QSOX2: variants seen among roughly 807,000 people sequenced by gnomAD.
QSOX2 encodes the protein quiescin sulfhydryl oxidase 2.
Under a neutral mutation model 61.7 loss-of-function variants are expected in QSOX2, and 46 were observed. That is an observed-to-expected ratio of 0.75 (90% confidence interval 0.59 to 0.95). The LOEUF is 0.95. Ranked by LOEUF, QSOX2 falls within the 40% of genes least tolerant of loss-of-function variation. QSOX2 has a pLI of 0.00. For missense variants in QSOX2, 879 were observed against 918.9 expected (o/e 0.96, Z 0.56); for synonymous variants, 383 against 388.4 (o/e 0.99, Z 0.16).
intron 1 of QSOX2, among the ~76,000 whole-genome samples, chr9:136,244,789 C>T (rs1447019271): frequency 1.3e-5 from 2 of 152,184 alleles, no homozygotes; most frequent in Non-Finnish European, 2.9e-5. Flanking sequence ...AAAGATTTCT[C>T]AAAGGCTGTG....
intron 1 of QSOX2, among the ~76,000 whole-genome samples, chr9:136,238,391 C>G (rs1830407693): frequency 6.6e-6 from 1 of 151,864 alleles, no homozygotes; most frequent in Non-Finnish European, 1.5e-5. Context: ...GTAACTTTTG[C>G]CCAAACACTG....
chr9:136,215,285 G>T lies in QSOX2; in HGVS notation c.1229C>A (p.Thr410Asn), dbSNP rs375455213. The change falls in exon 10 of 12, where the codon ACT (threonine) becomes AAT (asparagine). Residue 410 changes from threonine to asparagine, a missense_variant. Physicochemically the swap from Thr to Asn is moderately conservative, Grantham distance 65. Transcript: ENST00000358701. ...NKMRISGIFL[T>N]NHIKWVGCQG... ...ACATCCAACCCACTTTATGTGATTA[G>T]TAAGGAATATTCCAGAAATCTGAAA... The T allele has an allele frequency of 4.3e-5, 69 of 1,612,782 alleles. No individual in the cohort carries two copies. In the African/African-American group the frequency reaches 7.9e-4, roughly 18 times the overall value.
chr9:136,235,662 A>G (rs1830374702), intron 1 of QSOX2, among the ~76,000 whole-genome samples: 1 of 152,210 alleles, frequency 6.6e-6, no homozygotes, highest in Non-Finnish European at 1.5e-5. Flanking sequence ...GTGGCCAGCA[A>G]GCATAGAGCG....
chr9:136,221,749 G>A lies in QSOX2; in HGVS notation c.821+47C>T. The A allele has an allele frequency of 6.5e-7, 1 of 1,535,394 alleles. No homozygotes were observed. Among genetic ancestry groups the A allele is most frequent in the Middle Eastern group, 1.8e-4 (1 of 5,510 alleles). ...ACTGTCTACTCGGAGCCTCTGTCCG[G>A]TAACTCCGAGCGGCACGGAGTTCCC... is the stretch of plus-strand genomic sequence containing the variant. On this transcript the variant is annotated intron_variant, in intron 6 of 11. Coordinates refer to ENST00000358701, the MANE Select transcript of QSOX2 (RefSeq NM_181701.4). This position sits in a 1 kb window ranked among gnomAD's most constrained non-coding sequence, Gnocchi z 4.5.
intron 6 of QSOX2, among the ~76,000 whole-genome samples, chr9:136,220,497 G>A (rs1831967604): frequency 2.0e-5 from 3 of 152,202 alleles, no homozygotes; most frequent in Non-Finnish European, 4.4e-5. Context: ...GGCGTGGTGA[G>A]TCACCAAGAG....
intron 1 of QSOX2, among the ~76,000 whole-genome samples, chr9:136,236,117 C>A (rs758921878): frequency 3.3e-5 from 5 of 152,210 alleles, no homozygotes; most frequent in African/African-American, 4.8e-5. Context: ...CTGCAAGCCA[C>A]CTGCCACCCA....
intron 1 of QSOX2, among the ~76,000 whole-genome samples, chr9:136,227,887 G>C (rs1830296636): frequency 6.6e-6 from 1 of 152,170 alleles, no homozygotes; most frequent in South Asian, 2.1e-4. Flanking sequence ...GCTGAGGTGG[G>C]AGGACCGCTT....
At chr9:136,224,199 G>C in intron 3 of QSOX2, 87 bp from the exon 4 acceptor site, 3 of 1,039,720 alleles carry the variant, frequency 2.9e-6, no homozygotes, top group Non-Finnish European at 4.3e-6. Context: ...CCCCGTCCCA[G>C]CCTGGGGCCC....
At chr9:136,215,370 G>T (rs1026339697) in intron 9 of QSOX2, 66 bp from the exon 10 acceptor site, 2 of 1,260,478 alleles carry the variant, frequency 1.6e-6, no homozygotes, top group Non-Finnish European at 2.1e-6. Flanking sequence ...AAAAACAGTC[G>T]ACAGCTGCCT....
chr9:136,230,581 G>C (rs571749063), intron 1 of QSOX2, among the ~76,000 whole-genome samples: 1 of 152,288 alleles, frequency 6.6e-6, no homozygotes, highest in African/African-American at 2.4e-5. Flanking sequence ...TCCTTATCAC[G>C]TCGGGCCACA....
chr9:136,244,410 C>T (rs1830454532), intron 1 of QSOX2, among the ~76,000 whole-genome samples: 1 of 152,182 alleles, frequency 6.6e-6, no homozygotes, highest in Non-Finnish European at 1.5e-5. Context: ...TACAAAAGCC[C>T]TACTTAGACT....
At chr9:136,234,391 G>A (rs1413693297) in intron 1 of QSOX2, among the ~76,000 whole-genome samples, 1 of 152,076 alleles carries the variant, frequency 6.6e-6, no homozygotes, top group African/African-American at 2.4e-5. Context: ...AGTTGTCTGA[G>A]GGTCAACTGC....
chr9:136,235,473 C>T (rs1392038948), intron 1 of QSOX2, among the ~76,000 whole-genome samples: 2 of 152,210 alleles, frequency 1.3e-5, no homozygotes, highest in African/African-American at 2.4e-5. Flanking sequence ...TCAGGGACAC[C>T]GTCATACGGA....
Position 136,211,409 on chromosome 9 carries a change from C to T in QSOX2, c.1404G>A (p.Arg468=), listed in dbSNP as rs141870609. 773 of 1,614,188 alleles carry T rather than the reference C, an allele frequency of 4.8e-4. 1 individual carries two copies. Among genetic ancestry groups the T allele is most frequent in the Non-Finnish European group, 6.2e-4 (731 of 1,180,040 alleles). The part of the protein sequence containing the change: ...DPQAVLQTMR[R]YVHTFFGCKE... Reference sequence around the variant, plus strand: ...TACACCCAAAGAAGGTGTGAACGTACCTCCTCATTGTCTGCAGCACAGCCT... The same window carrying T: ...TACACCCAAAGAAGGTGTGAACGTATCTCCTCATTGTCTGCAGCACAGCCT... The change falls in exon 11 of 12, where the codon AGG becomes AGA. Residue 468 remains arginine, a synonymous_variant. Coordinates refer to ENST00000358701, the MANE Select transcript of QSOX2 (RefSeq NM_181701.4).
intron 1 of QSOX2, among the ~76,000 whole-genome samples, chr9:136,232,126 T>C (rs1271279338): frequency 6.6e-6 from 1 of 152,272 alleles, no homozygotes; most frequent in East Asian, 1.9e-4. Flanking sequence ...CAGTTTTTTT[T>C]CTCTCATCCA....
At chr9:136,215,703 C>A (rs939241270) in intron 9 of QSOX2, among the ~76,000 whole-genome samples, 1 of 152,306 alleles carries the variant, frequency 6.6e-6, no homozygotes, top group South Asian at 2.1e-4. Flanking sequence ...CCAGAACAAA[C>A]AAGGTGTGTT....
intron 1 of QSOX2, among the ~76,000 whole-genome samples, chr9:136,235,959 G>A (rs905440081): frequency 5.3e-5 from 8 of 152,202 alleles, no homozygotes; most frequent in South Asian, 2.1e-4. Context: ...AGTTTCCATC[G>A]TAAGGATGAT....
chr9:136,209,557 A>T lies in QSOX2; in HGVS notation c.1550-282T>A, dbSNP rs1328071628. The T allele has an allele frequency of 1.0e-6, 1 of 985,194 alleles. No individual in the cohort carries two copies. The highest frequency in any genetic ancestry group is 1.2e-6 in the Non-Finnish European group (1 of 829,888). 61.0% of individuals were successfully genotyped at this position (985,194 alleles called of 1,614,324 possible). On this transcript the variant is annotated intron_variant, in intron 11 of 11. Coordinates refer to ENST00000358701, the MANE Select transcript of QSOX2 (RefSeq NM_181701.4). This position sits in a 1 kb window ranked among gnomAD's most constrained non-coding sequence, Gnocchi z 5.6. ...ACACGCTCGGCCTCCGCCACTTCCC[A>T]GACCACACCTGTCCCAAACCACCCA...
In QSOX2 at chr9:136,226,800, C is replaced by G; in HGVS notation, c.403G>C (p.Asp135His). Residue 135 changes from aspartate (D) to histidine (H), a missense_variant, in exon 2 of 12, where the codon GAC becomes CAC. Coordinates refer to ENST00000358701, the MANE Select transcript of QSOX2 (RefSeq NM_181701.4). ...EKNQAVCHDY[D>H]IHFYPTFRYF... ...CGGAAGGTGGGGTAGAAGTGGATGT[C>G]GTAGTCATGGCACACGGCCTGGTTC... 15 of 1,614,150 alleles carry G rather than the reference C, an allele frequency of 9.3e-6. No homozygotes were observed. The highest frequency in any genetic ancestry group is 1.2e-5 in the Non-Finnish European group (14 of 1,179,986).
Sources: gnomAD v4.1 joint callset for allele counts (sites outside exome capture counted in the v4.1 genomes callset) on GRCh38, gnomAD v4.1.1 for gene constraint, Gnocchi (gnomAD v3.1) non-coding constraint, MANE v1.5 for transcripts, NCBI Gene and HGNC (gene_info 2026-07-23, HGNC 2026-07-21) for gene names.